GABBR2: variants seen among roughly 807,000 people sequenced by gnomAD.
The protein encoded by GABBR2 is gamma-aminobutyric acid type B receptor subunit 2, also known as G-protein coupled receptor 51.
A neutral mutation model predicts 105.6 loss-of-function variants in GABBR2; 23 were observed. The observed-to-expected ratio is 0.22, with a 90% CI of 0.16 to 0.31. The LOEUF is 0.31. Ranked by LOEUF, GABBR2 falls within the 10% of genes least tolerant of loss-of-function variation. The pLI is 1.00. For missense variants in GABBR2, 734 were observed against 1,245.5 expected (o/e 0.59, Z 6.18); for synonymous variants, 478 against 499.7 (o/e 0.96, Z 0.58).
intron 1 of GABBR2, among the ~76,000 whole-genome samples, chr9:98,671,510 A>C (rs1235735857): frequency 2.0e-5 from 3 of 152,212 alleles, no homozygotes; most frequent in African/African-American, 7.2e-5. Flanking sequence ...TCTTGGATAC[A>C]TACCTAGGAG....
chr9:98,683,933 A>T (rs1166883524), intron 1 of GABBR2, among the ~76,000 whole-genome samples: 1 of 147,316 alleles, frequency 6.8e-6, no homozygotes, highest in African/African-American at 2.5e-5. Context: ...ACATGAACCC[A>T]GGAGGCGGAG....
chr9:98,451,601 T>G (rs2131600160), intron 7 of GABBR2, among the ~76,000 whole-genome samples: 1 of 152,272 alleles, frequency 6.6e-6, no homozygotes, highest in Admixed American at 6.5e-5. Flanking sequence ...AAAACACAGA[T>G]GGCTGGGCCC....
At chr9:98,295,822 C>CCTA in intron 17 of GABBR2, among the ~76,000 whole-genome samples, 1 of 152,260 alleles carries the variant, frequency 6.6e-6, no homozygotes, top group Admixed American at 6.5e-5. Context: ...CTGTGCTCAG[C>CCTA]CTAAATAAGA....
chr9:98,696,618 T>C (rs1293723706), intron 1 of GABBR2, among the ~76,000 whole-genome samples: 6 of 152,184 alleles, frequency 3.9e-5, no homozygotes, highest in African/African-American at 7.2e-5. Flanking sequence ...CCCTACACTG[T>C]GTAACAAACC....
chr9:98,504,994 G>A (rs536806988), intron 3 of GABBR2, among the ~76,000 whole-genome samples: 1 of 152,270 alleles, frequency 6.6e-6, no homozygotes, highest in African/African-American at 2.4e-5. Flanking sequence ...GTCATGTAGA[G>A]GGGGGGCACC....
intron 11 of GABBR2, among the ~76,000 whole-genome samples, chr9:98,381,329 C>A (rs1831971546): frequency 6.6e-6 from 1 of 152,190 alleles, no homozygotes; most frequent in Non-Finnish European, 1.5e-5. Flanking sequence ...GATCCGTGAT[C>A]ACTACACCAT....
intron 3 of GABBR2, among the ~76,000 whole-genome samples, chr9:98,521,371 A>G (rs1167214727): frequency 6.6e-6 from 1 of 152,130 alleles, no homozygotes; most frequent in African/African-American, 2.4e-5. Context: ...CTGATGGGTG[A>G]GTAAGTACTG....
At chr9:98,483,074 C>T (rs1470547829) in intron 4 of GABBR2, among the ~76,000 whole-genome samples, 2 of 152,292 alleles carry the variant, frequency 1.3e-5, no homozygotes, top group East Asian at 3.9e-4. Context: ...GTTGGATTCT[C>T]TCAGGCACCT....
chr9:98,533,163 T>G (rs1828101070), intron 3 of GABBR2, among the ~76,000 whole-genome samples: 1 of 152,182 alleles, frequency 6.6e-6, no homozygotes. Flanking sequence ...CTTGCCAAGT[T>G]GCCATCTGTC....
At chr9:98,392,153 C>T (rs946416948) in intron 9 of GABBR2, among the ~76,000 whole-genome samples, 3 of 152,124 alleles carry the variant, frequency 2.0e-5, no homozygotes, top group Admixed American at 1.3e-4. Flanking sequence ...GGGCAGAGCC[C>T]GGGGCTGAAA....
At chr9:98,701,027 C>T (rs925315270) in intron 1 of GABBR2, among the ~76,000 whole-genome samples, 1 of 152,142 alleles carries the variant, frequency 6.6e-6, no homozygotes, top group Non-Finnish European at 1.5e-5. Flanking sequence ...CTCACCCACC[C>T]TAACTAACAA....
chr9:98,619,125 A>G (rs1829633513), intron 1 of GABBR2, among the ~76,000 whole-genome samples: 2 of 152,154 alleles, frequency 1.3e-5, no homozygotes, highest in African/African-American at 2.4e-5. Context: ...TTGAGGGTAA[A>G]TATTAAAAGA....
At chr9:98,498,412 AAGAACTTCTTATTTCAAC>A (rs1827327914) in intron 3 of GABBR2, among the ~76,000 whole-genome samples, 1 of 152,258 alleles carries the variant, frequency 6.6e-6, no homozygotes, top group African/African-American at 2.4e-5. Flanking sequence ...CACAATAAAA[AAGAACTTCTTATTTCAAC>A]ACTTGGTGGA....
At chr9:98,593,673 C>T (rs879752858) in intron 1 of GABBR2, among the ~76,000 whole-genome samples, 9 of 152,178 alleles carry the variant, frequency 5.9e-5, no homozygotes, top group African/African-American at 1.4e-4. Context: ...GCCATGTCCC[C>T]GAATCTGACA....
intron 7 of GABBR2, among the ~76,000 whole-genome samples, chr9:98,422,670 T>G (rs997006255): frequency 2.6e-5 from 4 of 152,010 alleles, no homozygotes; most frequent in Non-Finnish European, 4.4e-5. Flanking sequence ...TGCAGGTTAG[T>G]TACATATGTA....
intron 7 of GABBR2, among the ~76,000 whole-genome samples, chr9:98,440,619 A>G (rs1042423146): frequency 1.3e-5 from 2 of 152,340 alleles, no homozygotes; most frequent in East Asian, 1.9e-4. Context: ...GAGAAAGAAG[A>G]AGGAGGTGGC....
chr9:98,305,523 T>C (rs1456410911), intron 15 of GABBR2, among the ~76,000 whole-genome samples: 2 of 152,152 alleles, frequency 1.3e-5, no homozygotes, highest in Non-Finnish European at 2.9e-5. Context: ...TCTTAAAAAG[T>C]ATCACCATAG....
intron 11 of GABBR2, among the ~76,000 whole-genome samples, chr9:98,384,905 G>A (rs1413135028): frequency 6.6e-6 from 1 of 152,126 alleles, no homozygotes; most frequent in African/African-American, 2.4e-5. Context: ...AGGAAAAAAT[G>A]TCTAAAAATG....
intron 6 of GABBR2, among the ~76,000 whole-genome samples, chr9:98,457,907 G>A (rs892148752): frequency 2.0e-5 from 3 of 152,294 alleles, no homozygotes; most frequent in South Asian, 2.1e-4. Context: ...AGCTGACACC[G>A]AATGCTGATT....
Sources: gnomAD v4.1 joint callset for allele counts (sites outside exome capture counted in the v4.1 genomes callset) on GRCh38, gnomAD v4.1.1 for gene constraint, MANE v1.5 for transcripts, NCBI Gene and HGNC (gene_info 2026-07-23, HGNC 2026-07-21) for gene names.